Variants in HLCS observed in about 807,000 individuals in gnomAD.
HLCS encodes the protein biotin--protein ligase.
A neutral mutation model predicts 75.0 loss-of-function variants in HLCS; 53 were observed. The ratio of observed to expected loss-of-function variants is 0.71; its 90% CI spans 0.57 to 0.89. The LOEUF (loss-of-function observed/expected upper bound fraction) is 0.89. Ranked by LOEUF, HLCS falls within the 40% of genes least tolerant of loss-of-function variation. The pLI, the probability that HLCS is intolerant of heterozygous loss-of-function variation, is 0.00. For missense variants in HLCS, 966 were observed against 1,074.0 expected (o/e 0.90, Z 1.41); for synonymous variants, 431 against 428.6 (o/e 1.01, Z -0.07).
At chr21:36,947,134 A>G (rs1447575802) in intron 2 of HLCS, among the ~76,000 whole-genome samples, 1 of 152,226 alleles carries the variant, frequency 6.6e-6, no homozygotes, top group East Asian at 1.9e-4. Context: ...CCCGGAATTT[A>G]GCTGTAAAAA....
At chr21:36,864,860 C>T (rs985190750) in intron 6 of HLCS, among the ~76,000 whole-genome samples, 1 of 152,114 alleles carries the variant, frequency 6.6e-6, no homozygotes, top group African/African-American at 2.4e-5. Context: ...TGTCCATATA[C>T]CTAAGTACAG....
At chr21:36,803,084 T>C (rs894989686) in intron 6 of HLCS, among the ~76,000 whole-genome samples, 12 of 152,200 alleles carry the variant, frequency 7.9e-5, no homozygotes, top group African/African-American at 2.7e-4. Context: ...GAATACTCAT[T>C]GTCATGGTGA....
intron 6 of HLCS, among the ~76,000 whole-genome samples, chr21:36,879,253 A>C (rs968036096): frequency 1.3e-5 from 2 of 152,230 alleles, no homozygotes; most frequent in Non-Finnish European, 2.9e-5. Flanking sequence ...TATCTTCCAG[A>C]AAAGAAAGAT....
intron 6 of HLCS, among the ~76,000 whole-genome samples, chr21:36,862,381 A>T (rs1287405646): frequency 6.6e-6 from 1 of 152,194 alleles, no homozygotes; most frequent in African/African-American, 2.4e-5. Flanking sequence ...TTTCCAAAGC[A>T]GCTGCCCCAT....
At chr21:36,795,388 C>T (rs1184573646) in intron 6 of HLCS, among the ~76,000 whole-genome samples, 1 of 152,178 alleles carries the variant, frequency 6.6e-6, no homozygotes, top group South Asian at 2.1e-4. Flanking sequence ...CATGCCCTCA[C>T]ATACTTTCTT....
At chr21:36,888,836 T>A (rs1374537000) in intron 6 of HLCS, among the ~76,000 whole-genome samples, 2 of 151,824 alleles carry the variant, frequency 1.3e-5, no homozygotes, top group African/African-American at 2.4e-5. Context: ...GTTCCAGCAT[T>A]TTCCCTACTA....
chr21:36,802,584 A>G (rs2061238849), intron 6 of HLCS, among the ~76,000 whole-genome samples: 1 of 152,228 alleles, frequency 6.6e-6, no homozygotes, highest in Admixed American at 6.5e-5. Flanking sequence ...GGCTTGGAGA[A>G]GTCATTTAGC....
chr21:36,940,549 TAGATA>T (rs1398923072), intron 2 of HLCS, among the ~76,000 whole-genome samples: 2 of 152,118 alleles, frequency 1.3e-5, no homozygotes, highest in Non-Finnish European at 2.9e-5. Flanking sequence ...TTTTAAATGC[TAGATA>T]AAATAAATGA....
intron 6 of HLCS, among the ~76,000 whole-genome samples, chr21:36,829,679 C>CT (rs1298233713): frequency 5.9e-5 from 9 of 152,136 alleles, no homozygotes; most frequent in Admixed American, 5.9e-4. Flanking sequence ...AAAAAAGACC[C>CT]TGTCTCCTCC....
chr21:36,973,007 G>C (rs2068831578), intron 1 of HLCS, among the ~76,000 whole-genome samples: 1 of 151,872 alleles, frequency 6.6e-6, no homozygotes, highest in Admixed American at 6.6e-5. Flanking sequence ...TTTGAGTCCA[G>C]AAGTTCATGA....
rs143900042 is a variant in HLCS at position 36,861,471 on chromosome 21, G to A, written c.1892+35389C>T. Among the ~76,000 whole-genome samples, 255 of 152,286 alleles carry A rather than the reference G, an allele frequency of 1.7e-3. 1 individual carries two copies. The highest frequency in any genetic ancestry group is 5.6e-3 in the African/African-American group (234 of 41,550). On this transcript the variant is annotated intron_variant, in intron 6 of 10. Transcript: ENST00000674895. ...GGCAAACTCGTGTCAGAGGTTTGGT[G>A]TACAGACCATCTTGTCACCCAGGTA...
Position 36,756,651 on chromosome 21 carries a change from C to T in HLCS, c.2341G>A (p.Asp781Asn), listed in dbSNP as rs149399432. Reference protein sequence around the residue: ...HKAELKPLRADYLIARVVTVL... With the variant: ...HKAELKPLRANYLIARVVTVL... ...GTCACGACTCTGGCGATGAGATAAT[C>T]GGCTCTTAAGGGCTTCAGTTCTGCC... Residue 781 changes from aspartate (D) to asparagine (N), a missense_variant, in exon 10 of 11, where the codon GAT (aspartate) becomes AAT (asparagine). Asp to Asn is a conservative substitution (Grantham distance 23, BLOSUM62 1). Coordinates refer to ENST00000674895, the MANE Select transcript of HLCS (RefSeq NM_001352514.2). The T allele has an allele frequency of 1.2e-5, 20 of 1,614,048 alleles. No individual in the cohort carries two copies. Among genetic ancestry groups the T allele is most frequent in the Admixed American group, 1.0e-4 (6 of 60,006 alleles).
chr21:36,771,430 A>G (rs1217334851), intron 6 of HLCS, among the ~76,000 whole-genome samples: 2 of 152,158 alleles, frequency 1.3e-5, no homozygotes, highest in African/African-American at 2.4e-5. Context: ...CTGTATTTCT[A>G]CAGAATTGAA....
chr21:36,910,939 G>A (rs2065679788), intron 5 of HLCS, among the ~76,000 whole-genome samples: 1 of 152,160 alleles, frequency 6.6e-6, no homozygotes, highest in Admixed American at 6.5e-5. Context: ...GCTCTGAAGG[G>A]CTTCCACCTT....
chr21:36,826,553 C>T (rs2062014566), intron 6 of HLCS, among the ~76,000 whole-genome samples: 1 of 152,156 alleles, frequency 6.6e-6, no homozygotes. Flanking sequence ...GCATTAAATC[C>T]CTTTCTGTTC....
intron 5 of HLCS, among the ~76,000 whole-genome samples, chr21:36,915,578 C>T (rs1327035676): frequency 6.6e-6 from 1 of 152,312 alleles, no homozygotes; most frequent in South Asian, 2.1e-4. Context: ...TCTAACCCCA[C>T]ACACTCAAGG....
intron 5 of HLCS, among the ~76,000 whole-genome samples, chr21:36,908,099 T>C (rs1021783730): frequency 2.6e-5 from 4 of 151,106 alleles, no homozygotes; most frequent in African/African-American, 7.3e-5. Flanking sequence ...AAAAAAAACA[T>C]TCTGGCCGGC....
At chr21:36,759,640 C>T in intron 9 of HLCS, 87 bp downstream of exon 9, 1 of 799,574 alleles carries the variant, frequency 1.3e-6, no homozygotes. Flanking sequence ...ATAATCTGCT[C>T]CTGCCAATGT....
intron 5 of HLCS, among the ~76,000 whole-genome samples, chr21:36,919,579 G>C (rs577038662): frequency 6.6e-6 from 1 of 152,190 alleles, no homozygotes; most frequent in Non-Finnish European, 1.5e-5. Flanking sequence ...GAGGACATAC[G>C]TGAGATGCTA....
Sources: gnomAD v4.1 joint callset for allele counts (sites outside exome capture counted in the v4.1 genomes callset) on GRCh38, gnomAD v4.1.1 for gene constraint, MANE v1.5 for transcripts, NCBI Gene and HGNC (gene_info 2026-07-23, HGNC 2026-07-21) for gene names.